The following GUCY1A2 variants were observed in gnomAD, a reference collection of about 807,000 sequenced individuals.
GUCY1A2 encodes the protein guanylate cyclase soluble subunit alpha-2.
A neutral mutation model predicts 63.5 loss-of-function variants in GUCY1A2; 27 were observed. The ratio of observed to expected loss-of-function variants is 0.43; its 90% CI spans 0.31 to 0.59. The LOEUF is 0.59. Among genes scored for constraint, GUCY1A2 ranks in the 20% least tolerant of loss-of-function variants. The pLI, the probability that GUCY1A2 is intolerant of heterozygous loss-of-function variation, is 0.11. For synonymous variants in GUCY1A2, 364 were observed against 343.5 expected (o/e 1.06, Z -0.66); for missense variants, 768 against 913.3 (o/e 0.84, Z 2.05).
chr11:106,822,075 G>A (rs1281216023), intron 4 of GUCY1A2, among the ~76,000 whole-genome samples: 1 of 152,096 alleles, frequency 6.6e-6, no homozygotes, highest in Non-Finnish European at 1.5e-5. Flanking sequence ...TGAGAATCCT[G>A]GCTGTTGCAT....
intron 4 of GUCY1A2, among the ~76,000 whole-genome samples, chr11:106,864,067 G>GT (rs746672411): frequency 9.2e-5 from 14 of 151,956 alleles, no homozygotes; most frequent in Non-Finnish European, 8.8e-5. Context: ...CCTGTCGGGG[G>GT]TTGGGAGCGA....
At chr11:106,752,683 C>T (rs1379291076) in intron 6 of GUCY1A2, among the ~76,000 whole-genome samples, 3 of 152,118 alleles carry the variant, frequency 2.0e-5, no homozygotes, top group African/African-American at 7.2e-5. Flanking sequence ...CTGCAAAGGA[C>T]ATGAAGTCAT....
At chr11:106,840,352 G>A (rs1235688637) in intron 4 of GUCY1A2, among the ~76,000 whole-genome samples, 1 of 151,876 alleles carries the variant, frequency 6.6e-6, no homozygotes, top group African/African-American at 2.4e-5. Context: ...ATCTTATGAT[G>A]GGTTTTGACA....
intron 2 of GUCY1A2, among the ~76,000 whole-genome samples, chr11:106,979,311 CG>C (rs889886046): frequency 3.7e-4 from 56 of 151,990 alleles, no homozygotes; most frequent in African/African-American, 1.3e-3. Flanking sequence ...AAAAATTAGC[CG>C]GAAGTGGTGG....
At chr11:106,867,259 G>C (rs1412069101) in intron 4 of GUCY1A2, among the ~76,000 whole-genome samples, 4 of 151,886 alleles carry the variant, frequency 2.6e-5, no homozygotes, top group African/African-American at 7.3e-5. Context: ...CACTACACAG[G>C]GAAATAAAAG....
intron 3 of GUCY1A2, among the ~76,000 whole-genome samples, chr11:106,976,137 T>C (rs1373865302): frequency 6.6e-6 from 1 of 152,068 alleles, no homozygotes; most frequent in Non-Finnish European, 1.5e-5. Flanking sequence ...CTGTAATAGG[T>C]TAAGAAGGTA....
Position 106,679,414 on chromosome 11 carries a change from GC to G in GUCY1A2, c.*8134del, listed in dbSNP as rs1862396402. 5.1e-6 allele frequency: 1 copy of G among 195,356 alleles called. No individual in the cohort carries two copies. Among genetic ancestry groups the G allele is most frequent in the African/African-American group, 2.3e-5 (1 of 43,120 alleles). The allele number at this position is 195,356 out of a possible 1,614,324, so 12.1% of individuals were successfully genotyped here. On this transcript the variant is annotated 3_prime_UTR_variant, in exon 8 of 8. Transcript: ENST00000526355. ...AAGTTCCACACTTGTTTTGCTAGCA[GC>G]CAAACCCAATTTGAGAAGAATGTGA...
chr11:106,784,157 C>T (rs563627675), intron 5 of GUCY1A2, among the ~76,000 whole-genome samples: 4 of 152,228 alleles, frequency 2.6e-5, no homozygotes, highest in African/African-American at 9.6e-5. Context: ...TCTTTTCACC[C>T]ACCACCTCCG....
intron 4 of GUCY1A2, among the ~76,000 whole-genome samples, chr11:106,900,180 T>C (rs1016619841): frequency 6.6e-6 from 1 of 152,080 alleles, no homozygotes; most frequent in African/African-American, 2.4e-5. Context: ...CAAACATAAT[T>C]TTATTATTGT....
chr11:106,793,408 C>T (rs945087654), intron 5 of GUCY1A2, among the ~76,000 whole-genome samples: 1 of 152,012 alleles, frequency 6.6e-6, no homozygotes, highest in Non-Finnish European at 1.5e-5. Flanking sequence ...TAGCTAAAAA[C>T]ATAAGGACAA....
intron 4 of GUCY1A2, among the ~76,000 whole-genome samples, chr11:106,858,095 A>G (rs549280965): frequency 6.6e-6 from 1 of 152,314 alleles, no homozygotes; most frequent in South Asian, 2.1e-4. Context: ...TATATTGTCT[A>G]AAGCTTTCAC....
chr11:106,823,774 A>G (rs1591291199), intron 4 of GUCY1A2, among the ~76,000 whole-genome samples: 1 of 152,190 alleles, frequency 6.6e-6, no homozygotes, highest in Non-Finnish European at 1.5e-5. Flanking sequence ...CTGGTGTATG[A>G]TGATGTCTTA....
chr11:106,718,138 A>G (rs1173125260), intron 6 of GUCY1A2, among the ~76,000 whole-genome samples: 2 of 152,172 alleles, frequency 1.3e-5, no homozygotes, highest in Non-Finnish European at 2.9e-5. Flanking sequence ...AAAATATCTT[A>G]CTGTATTTAC....
chr11:106,721,021 G>A (rs1017657791), intron 6 of GUCY1A2, among the ~76,000 whole-genome samples: 3 of 151,444 alleles, frequency 2.0e-5, no homozygotes, highest in Admixed American at 6.6e-5. Flanking sequence ...ATTTAAAAAT[G>A]TAAGTCATAT....
intron 6 of GUCY1A2, among the ~76,000 whole-genome samples, chr11:106,766,685 G>A (rs1864169743): frequency 6.6e-6 from 1 of 152,014 alleles, no homozygotes; most frequent in Non-Finnish European, 1.5e-5. Context: ...AGTGTGATTA[G>A]CATGCAGATA....
At chr11:106,704,288 T>C (rs1862868006) in intron 7 of GUCY1A2, among the ~76,000 whole-genome samples, 2 of 152,216 alleles carry the variant, frequency 1.3e-5, no homozygotes, top group African/African-American at 4.8e-5. Context: ...ATGTTCCAAG[T>C]ATAAGGAGCT....
intron 3 of GUCY1A2, among the ~76,000 whole-genome samples, chr11:106,965,078 GT>G (rs143383714): frequency 1.0e-4 from 15 of 147,736 alleles, no homozygotes; most frequent in South Asian, 4.3e-4. Context: ...ACAGGGTGTT[GT>G]TTTTTTTTTA....
intron 4 of GUCY1A2, among the ~76,000 whole-genome samples, chr11:106,906,255 C>A (rs938675437): frequency 3.3e-5 from 5 of 152,062 alleles, no homozygotes; most frequent in African/African-American, 9.7e-5. Context: ...AAGAAAAAAG[C>A]AACCCCGTCA....
intron 6 of GUCY1A2, among the ~76,000 whole-genome samples, chr11:106,727,722 C>G (rs1372575572): frequency 3.3e-5 from 5 of 152,154 alleles, no homozygotes; most frequent in African/African-American, 1.2e-4. Context: ...ACTAAAATCG[C>G]TTAGGAAGTA....
Sources: allele counts gnomAD v4.1 joint callset (sites outside exome capture counted in the v4.1 genomes callset), GRCh38; gene constraint gnomAD v4.1.1; transcripts MANE v1.5; gene names NCBI Gene and HGNC (gene_info 2026-07-23, HGNC 2026-07-21).